TMCC3: variants seen among roughly 807,000 people sequenced by gnomAD.
TMCC3 encodes the protein transmembrane and coiled-coil domain protein 3.
In TMCC3, 28 loss-of-function variants were observed where a neutral mutation model predicts 40.2. The ratio of observed to expected loss-of-function variants is 0.70; its 90% confidence interval spans 0.52 to 0.95. The LOEUF is 0.95. Among genes scored for constraint, TMCC3 ranks in the 40% least tolerant of loss-of-function variants. TMCC3 has a pLI of 0.00. For missense variants in TMCC3, 554 were observed against 615.2 expected (o/e 0.90, Z 1.05); for synonymous variants, 255 against 248.5 (o/e 1.03, Z -0.25).
chr12:94,628,357 G>A (rs1172220024), intron 1 of TMCC3, among the ~76,000 whole-genome samples: 2 of 152,166 alleles, frequency 1.3e-5, no homozygotes, highest in African/African-American at 2.4e-5. Context: ...AGGCTTGGGG[G>A]CATCTCTGTT....
chr12:94,595,080 G>A (rs751395205), intron 1 of TMCC3, among the ~76,000 whole-genome samples: 4 of 151,918 alleles, frequency 2.6e-5, no homozygotes, highest in African/African-American at 4.8e-5. Context: ...TTTTTGCCTC[G>A]GATGCTAGGA....
chr12:94,617,067 G>A (rs2068851861), intron 1 of TMCC3, among the ~76,000 whole-genome samples: 1 of 152,196 alleles, frequency 6.6e-6, no homozygotes, highest in South Asian at 2.1e-4. Flanking sequence ...GAGAGGACTT[G>A]CCACCACCTG....
rs756262335 is a variant in TMCC3, at chr12:94,569,436, A to T, written c.*1999T>A. On this transcript the variant is annotated 3_prime_UTR_variant, in exon 4 of 4. Coordinates refer to ENST00000261226, the MANE Select transcript of TMCC3 (RefSeq NM_020698.4). ...ATCAGTGTATACACATCAACGCGGTAGACCAGGGGGAGTCTGACAATGAAA... is the reference window on the plus strand; with the variant it reads ...ATCAGTGTATACACATCAACGCGGTTGACCAGGGGGAGTCTGACAATGAAA... 6.6e-6 allele frequency: 1 copy of T among 152,250 alleles called. No individual in the cohort carries two copies. Among genetic ancestry groups the T allele is most frequent in the Non-Finnish European group, 1.5e-5 (1 of 68,064 alleles). The allele number at this position is 152,250 out of a possible 1,614,324, so 9.4% of individuals were successfully genotyped here. A position where few individuals can be genotyped will look rare whatever the true frequency, so the allele number is the denominator to read the frequency against.
At chr12:94,638,222 T>C (rs1166032038) in intron 1 of TMCC3, among the ~76,000 whole-genome samples, 1 of 152,358 alleles carries the variant, frequency 6.6e-6, no homozygotes, top group South Asian at 2.1e-4. Context: ...CCATCTCTGA[T>C]GTCACTAGAG....
intron 1 of TMCC3, among the ~76,000 whole-genome samples, chr12:94,600,247 T>G (rs921773252): frequency 2.0e-5 from 3 of 148,982 alleles, no homozygotes; most frequent in Non-Finnish European, 3.0e-5. Flanking sequence ...CTGGTTTTTT[T>G]TTTTTTTTTT....
chr12:94,645,431 ATTTGT>A (rs2069012999), intron 1 of TMCC3, among the ~76,000 whole-genome samples: 1 of 152,048 alleles, frequency 6.6e-6, no homozygotes, highest in Admixed American at 6.6e-5. Context: ...AGATTTTGGA[ATTTGT>A]TTTGTTTAGT....
At chr12:94,627,947 A>G (rs145466084) in intron 1 of TMCC3, among the ~76,000 whole-genome samples, 29 of 152,380 alleles carry the variant, frequency 1.9e-4, no homozygotes, top group African/African-American at 5.8e-4. Flanking sequence ...TAGGTGCTCA[A>G]TACACATTTA....
At chr12:94,573,792 C>T (rs75450246) in intron 3 of TMCC3, among the ~76,000 whole-genome samples, 2 of 151,820 alleles carry the variant, frequency 1.3e-5, no homozygotes, top group Admixed American at 6.6e-5. Context: ...ATATTCAGTA[C>T]ACTCTGCCTG....
chr12:94,581,642 G>A lies in TMCC3; in HGVS notation c.975C>T (p.Thr325=). The change falls in exon 2 of 4, where the codon ACC becomes ACT. Residue 325 remains threonine (T), a synonymous_variant. Coordinates refer to ENST00000261226, the MANE Select transcript of TMCC3 (RefSeq NM_020698.4). ...FKREYGFISQ[T]LQEERYRYER... ...AATACCTGTATCTTTCCTCTTGCAG[G>A]GTCTGAGAAATAAAACCATATTCTC... The A allele has an allele frequency of 6.3e-7, 1 of 1,579,966 alleles. No individual in the cohort carries two copies. Among genetic ancestry groups the A allele is most frequent in the Non-Finnish European group, 8.6e-7 (1 of 1,157,364 alleles).
At chr12:94,632,627 C>G (rs955046026) in intron 1 of TMCC3, among the ~76,000 whole-genome samples, 1 of 152,090 alleles carries the variant, frequency 6.6e-6, no homozygotes, top group African/African-American at 2.4e-5. Flanking sequence ...TTTTCTTTGC[C>G]CTAGCAATGT....
intron 1 of TMCC3, among the ~76,000 whole-genome samples, chr12:94,623,000 G>T (rs2068883828): frequency 6.6e-6 from 1 of 152,102 alleles, no homozygotes; most frequent in Non-Finnish European, 1.5e-5. Flanking sequence ...GGCAAAGAAG[G>T]TAAAAAATAT....
intron 1 of TMCC3, among the ~76,000 whole-genome samples, chr12:94,617,777 G>A (rs2068855642): frequency 6.6e-6 from 1 of 152,186 alleles, no homozygotes; most frequent in South Asian, 2.1e-4. Flanking sequence ...TGTGTTGGGG[G>A]TGGGATGGAG....
chr12:94,628,838 A>G (rs568576915), intron 1 of TMCC3, among the ~76,000 whole-genome samples: 1 of 152,338 alleles, frequency 6.6e-6, no homozygotes, highest in Admixed American at 6.5e-5. Flanking sequence ...TCTGCTCTGA[A>G]ATTCTACGAA....
At chr12:94,578,612 T>C in intron 2 of TMCC3, 83 bp from the exon 3 acceptor site, 1 of 1,464,230 alleles carries the variant, frequency 6.8e-7, no homozygotes, top group Non-Finnish European at 9.2e-7. Flanking sequence ...CCTGCGCCAG[T>C]ACCTTTTGGC....
chr12:94,597,166 A>ATATATATATAT lies in TMCC3; in HGVS notation c.79-14629_79-14628insATATATATATA, dbSNP rs1491007129. Among the ~76,000 whole-genome samples the ATATATATATAT allele has an allele frequency of 3.3e-3, 301 of 90,794 alleles. 18 individuals carry two copies. The highest frequency in any genetic ancestry group is 5.1e-3 in the Non-Finnish European group (238 of 46,228). 59.6% of individuals were successfully genotyped at this position (90,794 alleles called of 152,430 possible). A position where few individuals can be genotyped will look rare whatever the true frequency, so the allele number is the denominator to read the frequency against. On this transcript the variant is annotated intron_variant, in intron 1 of 3. Coordinates refer to ENST00000261226, the MANE Select transcript of TMCC3 (RefSeq NM_020698.4). Reference sequence around the variant, plus strand: ...ATATATATATATATATATGTATATAAATTAGCCAGGCCTGCTGGCGTGCCT... The same window carrying ATATATATATAT: ...ATATATATATATATATATGTATATAATATATATATATATTAGCCAGGCCTGCTGGCGTGCCT...
Position 94,582,516 on chromosome 12 carries a change from G to A in TMCC3, c.101C>T (p.Thr34Ile), listed in dbSNP as rs2068611021. 6.2e-7 allele frequency: 1 copy of A among 1,607,470 alleles called. No individual in the cohort carries two copies. The highest frequency in any genetic ancestry group is 8.5e-7 in the Non-Finnish European group (1 of 1,177,688). ...KSRVERHDMNTLSLPLNIRRG... is the reference protein window; with the variant it reads ...KSRVERHDMNILSLPLNIRRG... ...GCGTATGTTCAGGGGCAGGCTTAAG[G>A]TATTCATGTCATGACGTTCTACCTG... Residue 34 changes from threonine (T) to isoleucine (I), a missense_variant, in exon 2 of 4, where the codon ACC (threonine) becomes ATC (isoleucine). Transcript: ENST00000261226.
intron 1 of TMCC3, among the ~76,000 whole-genome samples, chr12:94,611,649 T>C (rs749577141): frequency 7.2e-5 from 11 of 152,194 alleles, no homozygotes; most frequent in Non-Finnish European, 1.6e-4. Context: ...TAAAATGGTG[T>C]AGTATTTGCA....
intron 3 of TMCC3, among the ~76,000 whole-genome samples, chr12:94,572,992 CT>C: frequency 6.6e-6 from 1 of 152,184 alleles, no homozygotes; most frequent in Non-Finnish European, 1.5e-5. Context: ...GCCAGTTCTT[CT>C]TCTGAGATTG....
At chr12:94,609,043 C>T (rs2068799924) in intron 1 of TMCC3, among the ~76,000 whole-genome samples, 1 of 151,826 alleles carries the variant, frequency 6.6e-6, no homozygotes, top group Non-Finnish European at 1.5e-5. Flanking sequence ...CAAGACGACC[C>T]CTGATGCCCT....
Sources: gnomAD v4.1 joint callset for allele counts (sites outside exome capture counted in the v4.1 genomes callset) on GRCh38, gnomAD v4.1.1 for gene constraint, MANE v1.5 for transcripts, NCBI Gene and HGNC (gene_info 2026-07-23, HGNC 2026-07-21) for gene names.